FOCAD: variants seen among roughly 807,000 people sequenced by gnomAD.
FOCAD encodes the protein focadhesin, also known as KIAA1797.
A neutral mutation model predicts 225.6 loss-of-function variants in FOCAD; 198 were observed. The observed-to-expected ratio is 0.88, with a 90% CI of 0.78 to 0.99. The LOEUF is 0.99. Among genes scored for constraint, FOCAD ranks in the 50% least tolerant of loss-of-function variants. The pLI is 0.00. For synonymous variants in FOCAD, 897 were observed against 755.0 expected, an observed-to-expected ratio of 1.19 and a Z score of -3.08; for missense variants, 2,713 against 2,123.6, an observed-to-expected ratio of 1.28 and a Z score of -5.46.
intron 24 of FOCAD, among the ~76,000 whole-genome samples, chr9:20,920,684 A>G (rs187664545): frequency 3.8e-3 from 575 of 151,816 alleles, no homozygotes; most frequent in African/African-American, 0.013. Context: ...GAAATTGGAA[A>G]TCATCATTCT....
chr9:20,702,354 T>C (rs1195269403), intron 1 of FOCAD, among the ~76,000 whole-genome samples: 2 of 152,172 alleles, frequency 1.3e-5, no homozygotes, highest in Admixed American at 1.3e-4. Context: ...TCCTCCCGCC[T>C]CAGCCTCCCA....
At chr9:20,783,062 T>C (rs1294688484) in intron 10 of FOCAD, among the ~76,000 whole-genome samples, 1 of 152,152 alleles carries the variant, frequency 6.6e-6, no homozygotes, top group Non-Finnish European at 1.5e-5. Flanking sequence ...AGAACAATGA[T>C]TGGATCTTGA....
intron 27 of FOCAD, 101 bp downstream of exon 27, chr9:20,929,697 A>T: frequency 1.1e-6 from 1 of 924,874 alleles, no homozygotes; most frequent in Admixed American, 2.3e-5. Flanking sequence ...TCTGAGCAAT[A>T]TGTGTTTGCT....
chr9:20,968,895 A>C (rs965209965), intron 35 of FOCAD, among the ~76,000 whole-genome samples: 1 of 152,126 alleles, frequency 6.6e-6, no homozygotes, highest in South Asian at 2.1e-4. Context: ...GCCTTTTTAA[A>C]ACTGGCATTT....
chr9:20,735,050 C>T (rs1462989334), intron 4 of FOCAD, among the ~76,000 whole-genome samples: 2 of 152,160 alleles, frequency 1.3e-5, no homozygotes, highest in African/African-American at 2.4e-5. Context: ...ACCAACATAT[C>T]AACATGAAAG....
intron 21 of FOCAD, among the ~76,000 whole-genome samples, chr9:20,904,488 C>A (rs936408314): frequency 1.1e-4 from 17 of 151,930 alleles, no homozygotes; most frequent in African/African-American, 3.6e-4. Context: ...CTTCTCGCAT[C>A]CCTGCCCTCA....
rs537888247 is a variant in FOCAD at position 20,981,606 on chromosome 9, C to T, written c.4558C>T (p.Pro1520Ser). ...CGGTCTGAGCCAGGCCATGAAACTG[C>T]CCAGCCCTGCCCACCACCTCTGGAG... ...LHGLSQAMKL[P>S]SPAHHLWSLL... is the part of the protein sequence containing the mutation. The change falls in exon 38 of 44, where the codon CCC becomes TCC. Residue 1520 changes from proline (P) to serine (S), a missense_variant. Coordinates refer to ENST00000338382, the MANE Select transcript of FOCAD (RefSeq NM_001375567.1). 6.2e-7 allele frequency: 1 copy of T among 1,613,974 alleles called. No homozygotes were observed. The highest frequency in any genetic ancestry group is 1.7e-5 in the Admixed American group (1 of 60,014).
At chr9:20,895,127 A>G (rs1453977686) in intron 21 of FOCAD, among the ~76,000 whole-genome samples, 1 of 152,008 alleles carries the variant, frequency 6.6e-6, no homozygotes, top group African/African-American at 2.4e-5. Context: ...TTAACGGACT[A>G]CATTTATATA....
chr9:20,707,137 G>A (rs553661129), intron 1 of FOCAD, among the ~76,000 whole-genome samples: 8 of 152,274 alleles, frequency 5.3e-5, no homozygotes, highest in Non-Finnish European at 1.0e-4. Flanking sequence ...TGGATAAATA[G>A]CAGTCTCTTC....
chr9:20,944,176 T>A (rs1836943700), intron 28 of FOCAD, among the ~76,000 whole-genome samples: 1 of 152,232 alleles, frequency 6.6e-6, no homozygotes, highest in African/African-American at 2.4e-5. Flanking sequence ...TTTATCTTCT[T>A]TGCTATTAGT....
intron 21 of FOCAD, among the ~76,000 whole-genome samples, chr9:20,896,069 T>C (rs1263715530): frequency 6.6e-6 from 1 of 151,898 alleles, no homozygotes; most frequent in Admixed American, 6.6e-5. Context: ...GTTTTTATCA[T>C]GAAAAACTGT....
chr9:20,951,065 T>G lies in FOCAD; in HGVS notation c.4018T>G (p.Ser1340Ala), dbSNP rs773369583. The change falls in exon 34 of 44, where the codon TCT becomes GCT. Residue 1340 changes from serine (S) to alanine (A), a missense_variant. Ser to Ala is a moderately conservative substitution (Grantham distance 99). Coordinates refer to ENST00000338382, the MANE Select transcript of FOCAD (RefSeq NM_001375567.1). ...CTGGCTTCTTGGACATCTTCATCTA[T>G]CTACTCTATCCTCAAGTCAAAGTAG... ...AVWLLGHLHL[S>A]TLSSSQSRAS... 1.2e-6 allele frequency: 2 copies of G among 1,613,638 alleles called. No homozygotes were observed. The highest frequency in any genetic ancestry group is 2.2e-5 in the South Asian group (2 of 91,060).
At chr9:20,742,468 T>A (rs1400838639) in intron 5 of FOCAD, among the ~76,000 whole-genome samples, 1 of 152,200 alleles carries the variant, frequency 6.6e-6, no homozygotes, top group Non-Finnish European at 1.5e-5. Flanking sequence ...ACCACACTGT[T>A]GAGTAGCAGA....
intron 21 of FOCAD, among the ~76,000 whole-genome samples, chr9:20,906,438 A>G (rs556431945): frequency 4.3e-4 from 66 of 151,980 alleles, no homozygotes; most frequent in Admixed American, 3.6e-3. Context: ...TTCTTGATTG[A>G]TCTTTCTTTA....
intron 5 of FOCAD, among the ~76,000 whole-genome samples, chr9:20,742,276 A>G (rs28380156): frequency 0.017 from 2,652 of 152,326 alleles, 75 homozygotes; most frequent in African/African-American, 0.06. Context: ...TAGTGGTTTT[A>G]AAAGTGTCCT....
chr9:20,840,002 C>G (rs569906497), intron 15 of FOCAD, among the ~76,000 whole-genome samples: 1 of 152,100 alleles, frequency 6.6e-6, no homozygotes, highest in East Asian at 1.9e-4. Context: ...CTACTCTATT[C>G]TGTTCCGTTG....
At chr9:20,782,198 C>A (rs1819452823) in intron 10 of FOCAD, among the ~76,000 whole-genome samples, 1 of 152,028 alleles carries the variant, frequency 6.6e-6, no homozygotes, top group African/African-American at 2.4e-5. Context: ...AAGAGTTCTT[C>A]AGAAAAGGAA....
chr9:20,866,377 A>G (rs1564088720), intron 17 of FOCAD, among the ~76,000 whole-genome samples: 1 of 152,008 alleles, frequency 6.6e-6, no homozygotes, highest in African/African-American at 2.4e-5. Context: ...GTGATGTTAT[A>G]CCTAACTCAT....
chr9:20,938,987 A>G (rs1472310182), intron 28 of FOCAD, among the ~76,000 whole-genome samples: 1 of 151,554 alleles, frequency 6.6e-6, no homozygotes, highest in African/African-American at 2.4e-5. Flanking sequence ...TGAAAAAAAA[A>G]TACAGAAAAA....
Sources: gnomAD v4.1 joint callset for allele counts (sites outside exome capture counted in the v4.1 genomes callset) on GRCh38, gnomAD v4.1.1 for gene constraint, MANE v1.5 for transcripts, NCBI Gene and HGNC (gene_info 2026-07-23, HGNC 2026-07-21) for gene names.